Variants in DST observed in about 807,000 individuals in gnomAD.
DST encodes the protein bullous pemphigoid antigen.
DST carries 253 observed loss-of-function variants against 875.2 expected under a neutral mutation model. The ratio of observed to expected loss-of-function variants is 0.29; its 90% CI spans 0.26 to 0.32. DST has a LOEUF of 0.32. DST is among the 10% of genes least tolerant of loss of function. The probability of loss-of-function intolerance (pLI) is 1.00; values close to 1 mark genes in which losing one functional copy is unlikely to be tolerated. For synonymous variants in DST, 3,124 were observed against 3,197.1 expected, an observed-to-expected ratio of 0.98 and a Z score of 0.77; for missense variants, 8,287 against 9,111.6, an observed-to-expected ratio of 0.91 and a Z score of 3.68.
At position 56,606,717 on chromosome 6, in the gene DST, G is replaced by C. The variant is rs1178553612; in HGVS notation, c.7911C>G (p.His2637Gln). ...LLDGDDRDCL[H>Q]PEDYDTLQEE... The stretch of plus-strand genomic sequence containing the variant: ...CTTGCAGTGTGTCGTAGTCCTCAGG[G>C]TGCAGGCAATCACGATCATCACCAT... The change falls in exon 40 of 104, where the codon CAC becomes CAG. Residue 2637 changes from histidine to glutamine, a missense_variant. His to Gln is a conservative substitution (Grantham distance 24, BLOSUM62 0). Coordinates refer to ENST00000680361, the MANE Select transcript of DST (RefSeq NM_001374736.1). The C allele has an allele frequency of 1.9e-6, 3 of 1,613,462 alleles. No individual in the cohort carries two copies. The highest frequency in any genetic ancestry group is 2.5e-6 in the Non-Finnish European group (3 of 1,179,614).
chr6:56,928,340 C>G (rs148988140), intron 2 of DST, among the ~76,000 whole-genome samples: 98 of 152,212 alleles, frequency 6.4e-4, no homozygotes, highest in African/African-American at 2.1e-3. Context: ...TCCAGTGCCC[C>G]CTATTGACGC....
At chr6:56,617,460 A>G (rs773129362) in intron 36 of DST, 1 of 1,451,278 alleles carries the variant, frequency 6.9e-7, no homozygotes, top group African/African-American at 1.4e-5. Flanking sequence ...CACCTCAAGA[A>G]CATTATGTCA....
chr6:56,593,528 A>AAAAAAAAAAG (rs2098324430), intron 48 of DST, 135 bp downstream of exon 48: 1 of 607,800 alleles, frequency 1.6e-6, no homozygotes. Flanking sequence ...AAAAAAAAAA[A>AAAAAAAAAAG]AAAAATAGAA....
intron 49 of DST, among the ~76,000 whole-genome samples, chr6:56,580,562 A>C (rs925123625): frequency 7.3e-6 from 1 of 137,478 alleles, no homozygotes; most frequent in African/African-American, 3.5e-5. Context: ...CTTAAAATAA[A>C]TAAATAAATA....
chr6:56,586,859 T>C (rs965314974), intron 49 of DST, among the ~76,000 whole-genome samples: 37 of 152,128 alleles, frequency 2.4e-4, no homozygotes, highest in African/African-American at 8.2e-4. Flanking sequence ...TCCTGTCCGT[T>C]ACAAGGAAAA....
chr6:56,573,046 C>T lies in DST; in HGVS notation c.13255G>A (p.Ala4419Thr). ...SKNIMLEQDIAGRQSSINAMN... is the reference protein window; with the variant it reads ...SKNIMLEQDITGRQSSINAMN... ...GCATTTATACTGCTCTGACGACCTG[C>T]AATATCCTGTTCCAACATCTAAAAT... The change falls in exon 52 of 104, where the codon GCA becomes ACA. Residue 4419 changes from alanine to threonine, a missense_variant. By Grantham distance (58) the Ala-to-Thr change is moderately conservative (BLOSUM62 0). Transcript: ENST00000680361. 1 of 1,576,970 alleles carries T rather than the reference C, an allele frequency of 6.3e-7. No homozygotes were observed. The highest frequency in any genetic ancestry group is 8.6e-7 in the Non-Finnish European group (1 of 1,163,008).
Position 56,650,325 on chromosome 6 carries a change from C to CAAAAAAAAA in DST, c.1434+592_1434+600dup, listed in dbSNP as rs70989721. ...ATAAGCACTTGTTAGCATAACCACC[C>CAAAAAAAAA]AAAAAAAAAAAAAAAAAAAAAAAGC... On this transcript the variant is annotated intron_variant, in intron 12 of 103. Coordinates refer to ENST00000680361, the MANE Select transcript of DST (RefSeq NM_001374736.1). Among the ~76,000 whole-genome samples the CAAAAAAAAA allele has an allele frequency of 2.5e-4, 12 of 48,690 alleles. 1 individual carries two copies. The highest frequency in any genetic ancestry group is 7.1e-4 in the African/African-American group (9 of 12,756). The allele number at this position is 48,690 out of a possible 152,430, so 31.9% of individuals were successfully genotyped here.
At chr6:56,642,954 T>C (rs2098920774) in intron 15 of DST, 1 of 1,430,138 alleles carries the variant, frequency 7.0e-7, no homozygotes, top group Non-Finnish European at 9.2e-7. Context: ...ACACAGCAAA[T>C]AATATGCTGA....
chr6:56,654,945 G>C (rs2098998279), intron 10 of DST, among the ~76,000 whole-genome samples: 1 of 151,984 alleles, frequency 6.6e-6, no homozygotes, highest in South Asian at 2.1e-4. Flanking sequence ...AGGATCACCT[G>C]AGGTCAGGAA....
chr6:56,890,485 C>T (rs1466653736), intron 3 of DST, among the ~76,000 whole-genome samples: 1 of 152,124 alleles, frequency 6.6e-6, no homozygotes, highest in Non-Finnish European at 1.5e-5. Context: ...TCTTAATATA[C>T]AGTATAAATC....
chr6:56,615,100 T>C (rs1411796392), intron 36 of DST: 1 of 1,031,006 alleles, frequency 9.7e-7, no homozygotes, highest in African/African-American at 1.7e-5. Context: ...GGAACGAATT[T>C]ATATCTTTCT....
intron 9 of DST, chr6:56,692,469 CT>C (rs2099237078): frequency 7.8e-7 from 1 of 1,289,324 alleles, no homozygotes; most frequent in Non-Finnish European, 1.0e-6. Flanking sequence ...ACTGAAAATG[CT>C]GTGTTGCATG....
intron 2 of DST, among the ~76,000 whole-genome samples, chr6:56,921,451 A>G (rs1804180403): frequency 6.6e-6 from 1 of 152,214 alleles, no homozygotes; most frequent in Non-Finnish European, 1.5e-5. Flanking sequence ...ATGAACTTGA[A>G]AAACAAATAT....
intron 4 of DST, among the ~76,000 whole-genome samples, chr6:56,766,732 T>C (rs1443709525): frequency 6.6e-6 from 1 of 152,124 alleles, no homozygotes; most frequent in Non-Finnish European, 1.5e-5. Context: ...GGTTTCACCG[T>C]GTTGGTCAGG....
In DST at chr6:56,755,792, A is replaced by G. The variant is rs1434583175; in HGVS notation, c.626-20503T>C. Among the ~76,000 whole-genome samples the G allele has an allele frequency of 2.6e-5, 4 of 152,266 alleles. No individual in the cohort carries two copies. In the East Asian group the frequency reaches 7.7e-4, roughly 29 times the overall value. On this transcript the variant is annotated intron_variant, in intron 4 of 103. Coordinates refer to ENST00000680361, the MANE Select transcript of DST (RefSeq NM_001374736.1). ...AAAAAGAGATTATAGAAATTCTATA[A>G]AAAGACAGGAATAACCATTTCTGGT...
intron 4 of DST, among the ~76,000 whole-genome samples, chr6:56,850,302 G>A (rs1388128752): frequency 1.3e-5 from 2 of 151,244 alleles, no homozygotes; most frequent in East Asian, 1.9e-4. Flanking sequence ...CCACTGGGGG[G>A]ACAAAAAGGG....
At position 56,573,697 on chromosome 6, in the gene DST, A is replaced by G; in HGVS notation, c.13218T>C (p.Asp4406=). Residue 4406 remains aspartate (D), a synonymous_variant, in exon 51 of 104, where the codon GAT becomes GAC. Coordinates refer to ENST00000680361, the MANE Select transcript of DST (RefSeq NM_001374736.1). ...CACTTACAATGTTTTTACTGATAAT[A>G]TCCTGAAGAGCAGTAGAGTTTAAAG... ...QVPLNSTALQ[D]IISKNIMLEQ... is the part of the protein sequence containing the mutation. 6.2e-7 allele frequency: 1 copy of G among 1,613,134 alleles called. No homozygotes were observed. The highest frequency in any genetic ancestry group is 1.1e-5 in the South Asian group (1 of 91,044).
Position 56,459,236 on chromosome 6 carries a change from A to G in DST, c.23226T>C (p.Ser7742=). 6.2e-7 allele frequency: 1 copy of G among 1,613,088 alleles called. No individual in the cohort carries two copies. The highest frequency in any genetic ancestry group is 1.3e-5 in the African/African-American group (1 of 75,000). Residue 7742 remains serine (S), a synonymous_variant, in exon 104 of 104, where the codon AGT becomes AGC. Transcript: ENST00000680361. ...DSKKTPSRPG[S]RAGSKAGSRA... Reference sequence around the variant, plus strand: ...TGCTGCCAGCTTTGCTTCCAGCTCGACTTCCTGGTCGGCTGGGAGTCTTCT... The same window carrying G: ...TGCTGCCAGCTTTGCTTCCAGCTCGGCTTCCTGGTCGGCTGGGAGTCTTCT...
At chr6:56,782,301 C>T (rs2099695765) in intron 4 of DST, among the ~76,000 whole-genome samples, 1 of 152,156 alleles carries the variant, frequency 6.6e-6, no homozygotes, top group South Asian at 2.1e-4. Flanking sequence ...AGGAATGGTA[C>T]CAGCTCCTCC....
Sources: gnomAD v4.1 joint callset for allele counts (sites outside exome capture counted in the v4.1 genomes callset) on GRCh38, gnomAD v4.1.1 for gene constraint, MANE v1.5 for transcripts, NCBI Gene and HGNC (gene_info 2026-07-23, HGNC 2026-07-21) for gene names.